Variants in SLC24A2 observed in about 807,000 individuals in gnomAD.
SLC24A2 encodes sodium/potassium/calcium exchanger 2.
SLC24A2 carries 36 observed loss-of-function variants against 62.0 expected under a neutral mutation model. The observed-to-expected ratio is 0.58, with a 90% CI of 0.44 to 0.77. The LOEUF is 0.77. Among genes scored for constraint, SLC24A2 ranks in the 30% least tolerant of loss-of-function variants. The pLI is 0.00. For missense variants in SLC24A2, 846 were observed against 817.9 expected (o/e 1.03, Z -0.42); for synonymous variants, 358 against 294.0 (o/e 1.22, Z -2.23).
At chr9:19,596,741 C>G (rs1041715211) in intron 5 of SLC24A2, among the ~76,000 whole-genome samples, 2 of 152,184 alleles carry the variant, frequency 1.3e-5, no homozygotes, top group African/African-American at 4.8e-5. Context: ...GGGAGACAGG[C>G]CATGAGCCTA....
the SLC24A2 span, among the ~76,000 whole-genome samples, chr9:20,073,110 C>G: frequency 5.4e-4 from 82 of 152,226 alleles, 1 homozygote; most frequent in African/African-American, 1.9e-3. Flanking sequence ...TTTTGTAGGT[C>G]AGGAATTCAG....
At chr9:20,101,921 G>T in the SLC24A2 span, among the ~76,000 whole-genome samples, 1 of 152,112 alleles carries the variant, frequency 6.6e-6, no homozygotes, top group African/African-American at 2.4e-5. Context: ...AGTGACATGG[G>T]ACAAACACGT....
At position 19,578,358 on chromosome 9, in the gene SLC24A2, C is replaced by CAA. The variant is rs3085616; in HGVS notation, c.1130-1338_1130-1337dup. Among the ~76,000 whole-genome samples, 814 of 135,552 alleles carry CAA rather than the reference C, an allele frequency of 6.0e-3. 9 individuals are homozygous for CAA. The highest frequency in any genetic ancestry group is 0.015 in the Middle Eastern group (4 of 260). The allele number at this position is 135,552 out of a possible 152,430, so 88.9% of individuals were successfully genotyped here. A position where few individuals can be genotyped will look rare whatever the true frequency, so the allele number is the denominator to read the frequency against. On this transcript the variant is annotated intron_variant, in intron 5 of 10. Coordinates refer to ENST00000341998, the MANE Select transcript of SLC24A2 (RefSeq NM_020344.4). ...TAATAAGTAAATGCATGCAATAAGCCAAAAAAAAAAAAAAAAAAGCAAGCA... is the reference window on the plus strand; with the variant it reads ...TAATAAGTAAATGCATGCAATAAGCCAAAAAAAAAAAAAAAAAAAAGCAAGCA...
the SLC24A2 span, among the ~76,000 whole-genome samples, chr9:19,892,337 C>T: frequency 4.3e-3 from 659 of 152,304 alleles, 1 homozygote; most frequent in African/African-American, 0.011. Context: ...TAATATTTAT[C>T]ACTACACAAA....
the SLC24A2 span, among the ~76,000 whole-genome samples, chr9:20,248,289 A>G: frequency 9.8e-5 from 15 of 152,356 alleles, no homozygotes; most frequent in African/African-American, 3.1e-4. Flanking sequence ...CCTTGGCTCA[A>G]GGCCCTAACA....
At chr9:20,182,157 G>C in the SLC24A2 span, among the ~76,000 whole-genome samples, 1 of 152,140 alleles carries the variant, frequency 6.6e-6, no homozygotes, top group Non-Finnish European at 1.5e-5. Flanking sequence ...TGGTTAAATA[G>C]GAACGCTTTT....
chr9:19,904,210 A>T, the SLC24A2 span, among the ~76,000 whole-genome samples: 1 of 152,214 alleles, frequency 6.6e-6, no homozygotes, highest in Non-Finnish European at 1.5e-5. Context: ...CTGAATCAGA[A>T]TCTGCACTCT....
chr9:20,090,345 G>A, the SLC24A2 span, among the ~76,000 whole-genome samples: 1 of 152,172 alleles, frequency 6.6e-6, no homozygotes, highest in African/African-American at 2.4e-5. Flanking sequence ...GGGCACATAA[G>A]CCCTGAGATC....
intron 2 of SLC24A2, among the ~76,000 whole-genome samples, chr9:19,629,698 C>G (rs190262846): frequency 6.6e-6 from 1 of 152,184 alleles, no homozygotes. Flanking sequence ...CCAGTTATCA[C>G]TGCGGTCATG....
chr9:19,787,384 A>G (rs1242472485), intron 1 of SLC24A2, among the ~76,000 whole-genome samples: 1 of 152,232 alleles, frequency 6.6e-6, no homozygotes, highest in East Asian at 1.9e-4. Context: ...TAAATCATGT[A>G]ATAACCTTCC....
the SLC24A2 span, among the ~76,000 whole-genome samples, chr9:20,213,183 T>C: frequency 0.071 from 10,803 of 151,728 alleles, 516 homozygotes; most frequent in Middle Eastern, 0.12. Flanking sequence ...GAACTGAAAA[T>C]AAAGTCAAAA....
the SLC24A2 span, among the ~76,000 whole-genome samples, chr9:19,950,504 T>A: frequency 9.9e-5 from 15 of 152,094 alleles, no homozygotes; most frequent in African/African-American, 3.6e-4. Context: ...TGGGTGAAGA[T>A]TTGGAGAAGG....
At chr9:19,724,334 T>C (rs1390242421) in intron 2 of SLC24A2, among the ~76,000 whole-genome samples, 2 of 152,206 alleles carry the variant, frequency 1.3e-5, no homozygotes, top group Non-Finnish European at 1.5e-5. Flanking sequence ...CACAGCAGCA[T>C]GTGATAACAG....
At chr9:19,757,194 A>G (rs1030436764) in intron 2 of SLC24A2, among the ~76,000 whole-genome samples, 2 of 152,180 alleles carry the variant, frequency 1.3e-5, no homozygotes, top group Non-Finnish European at 2.9e-5. Flanking sequence ...AATTCCTTGA[A>G]GGCAAGACTG....
the SLC24A2 span, among the ~76,000 whole-genome samples, chr9:20,107,761 T>C: frequency 3.3e-5 from 5 of 151,960 alleles, no homozygotes; most frequent in Non-Finnish European, 7.4e-5. Flanking sequence ...AACCTAGGCA[T>C]TACCATTCAG....
the SLC24A2 span, among the ~76,000 whole-genome samples, chr9:20,152,198 T>C: frequency 6.6e-6 from 1 of 151,864 alleles, no homozygotes; most frequent in Non-Finnish European, 1.5e-5. Flanking sequence ...TCTTAACAAA[T>C]ATTATATGAA....
chr9:20,105,034 T>C, the SLC24A2 span, among the ~76,000 whole-genome samples: 3 of 151,870 alleles, frequency 2.0e-5, no homozygotes, highest in Admixed American at 6.6e-5. Flanking sequence ...CAAAAAAAGG[T>C]AGGGGTTGCA....
the SLC24A2 span, among the ~76,000 whole-genome samples, chr9:19,911,027 A>G: frequency 2.7e-5 from 4 of 150,028 alleles, no homozygotes; most frequent in African/African-American, 9.8e-5. Flanking sequence ...TTAACTTGTC[A>G]TTTAGCATTA....
At chr9:19,741,098 G>A (rs918374886) in intron 2 of SLC24A2, among the ~76,000 whole-genome samples, 4 of 152,056 alleles carry the variant, frequency 2.6e-5, no homozygotes, top group African/African-American at 9.7e-5. Context: ...ACCCTTCCTG[G>A]GCACTTAAAG....
Sources: allele counts gnomAD v4.1 joint callset (sites outside exome capture counted in the v4.1 genomes callset), GRCh38; gene constraint gnomAD v4.1.1; transcripts MANE v1.5; gene names NCBI Gene and HGNC (gene_info 2026-07-23, HGNC 2026-07-21).